The following LRP2 variants were observed in gnomAD, a reference collection of about 807,000 sequenced individuals.
LRP2 encodes LDL receptor related protein 2, also known as low-density lipoprotein receptor-related protein 2.
Under a neutral mutation model 531.0 loss-of-function variants are expected in LRP2, and 172 were observed. That is an observed-to-expected ratio of 0.32 (90% confidence interval 0.29 to 0.37). The LOEUF (loss-of-function observed/expected upper bound fraction) is 0.37. LRP2 is among the 10% of genes least tolerant of loss of function. The pLI, the probability that LRP2 is intolerant of heterozygous loss-of-function variation, is 1.00. For synonymous variants in LRP2, 1,992 were observed against 2,027.6 expected (o/e 0.98, Z 0.47); for missense variants, 5,167 against 5,868.3 (o/e 0.88, Z 3.90).
In LRP2 at chr2:169,140,525, G is replaced by C. The variant is rs1267233543; in HGVS notation, c.13129C>G (p.Leu4377Val). The C allele has an allele frequency of 2.5e-6, 4 of 1,613,928 alleles. No individual in the cohort carries two copies. Among genetic ancestry groups the C allele is most frequent in the Non-Finnish European group, 3.4e-6 (4 of 1,179,844 alleles). ...CDAAIELPIN[L>V]PPPCRCMHGG... ...TGCATGCACCTGCATGGGGGGGGCA[G>C]GTTGATAGGCAGTTCGATGGCTGCA... Residue 4377 changes from leucine (L) to valine (V), a missense_variant, in exon 72 of 79, where the codon CTG becomes GTG. Leu to Val is a conservative substitution (Grantham distance 32). This residue lies in a region of LRP2 where 348 missense variants were observed against 369.3 expected (regional missense o/e 0.94). Coordinates refer to ENST00000649046, the MANE Select transcript of LRP2 (RefSeq NM_004525.3).
chr2:169,280,487 G>C lies in LRP2; in HGVS notation c.1204C>G (p.Arg402Gly). 1 of 1,614,068 alleles carries C rather than the reference G, an allele frequency of 6.2e-7. No individual in the cohort carries two copies. Among genetic ancestry groups the C allele is most frequent in the Non-Finnish European group, 8.5e-7 (1 of 1,180,010 alleles). ...TGAATATCACCAATTAACAAATCCC[G>C]ACCATTGGAGAAGATAATGGAGGCC... ...GEASIIFSNGRDLLIGDIHGR... is the reference protein window; with the variant it reads ...GEASIIFSNGGDLLIGDIHGR... The change falls in exon 11 of 79, where the codon CGG (arginine) becomes GGG (glycine). Residue 402 changes from arginine to glycine, a missense_variant. Coordinates refer to ENST00000649046, the MANE Select transcript of LRP2 (RefSeq NM_004525.3).
chr2:169,262,950 C>T (rs1690630563), intron 16 of LRP2, among the ~76,000 whole-genome samples: 1 of 152,086 alleles, frequency 6.6e-6, no homozygotes, highest in Admixed American at 6.5e-5. Context: ...CGTATATCTA[C>T]AACTATCTGA....
Position 169,247,359 on chromosome 2 carries a change from A to C in LRP2, c.2908+19T>G. ...AAACCCATACAAAAAAATAAAAAAA[A>C]CTGGGCAATCTCACTCACCAGTCTG... On this transcript the variant is annotated intron_variant, in intron 20 of 78. Transcript: ENST00000649046. The C allele has an allele frequency of 6.2e-7, 1 of 1,613,802 alleles. No homozygotes were observed. Among genetic ancestry groups the C allele is most frequent in the Non-Finnish European group, 8.5e-7 (1 of 1,179,966 alleles).
intron 1 of LRP2, among the ~76,000 whole-genome samples, chr2:169,334,137 T>C (rs1179309939): frequency 6.6e-6 from 1 of 152,208 alleles, no homozygotes; most frequent in Non-Finnish European, 1.5e-5. Context: ...AAGCAGGGTA[T>C]ATTTCCTAAG....
At chr2:169,344,968 CA>C (rs796864581) in intron 1 of LRP2, among the ~76,000 whole-genome samples, 72 of 152,092 alleles carry the variant, frequency 4.7e-4, no homozygotes, top group African/African-American at 1.7e-3. Flanking sequence ...AATTTGTCAT[CA>C]AAAAAATAAA....
chr2:169,241,458 A>T, intron 24 of LRP2, 93 bp from the exon 25 acceptor site: 2 of 1,410,656 alleles, frequency 1.4e-6, no homozygotes, highest in Admixed American at 3.3e-5. Context: ...TGGATCCAAT[A>T]GTAGGTTTAT....
intron 52 of LRP2, among the ~76,000 whole-genome samples, chr2:169,178,708 T>C (rs1687309348): frequency 6.6e-6 from 1 of 152,202 alleles, no homozygotes; most frequent in Non-Finnish European, 1.5e-5. Flanking sequence ...GTCCTCTCAG[T>C]TCCAAGGGCT....
intron 24 of LRP2, 40 bp downstream of exon 24, chr2:169,242,916 G>A: frequency 7.0e-7 from 1 of 1,429,864 alleles, no homozygotes; most frequent in Non-Finnish European, 9.9e-7. Flanking sequence ...AAAATGAAAT[G>A]ACCCCTTTGT....
intron 1 of LRP2, among the ~76,000 whole-genome samples, chr2:169,328,617 T>G (rs1685187275): frequency 6.6e-6 from 1 of 152,168 alleles, no homozygotes; most frequent in South Asian, 2.1e-4. Context: ...GAGTACCTAC[T>G]ATGTGTTATA....
At chr2:169,205,093 A>C (rs925822530) in intron 41 of LRP2, among the ~76,000 whole-genome samples, 11 of 152,176 alleles carry the variant, frequency 7.2e-5, no homozygotes, top group Non-Finnish European at 1.5e-4. Context: ...AAAGCCCAGA[A>C]AAAAACATAA....
intron 14 of LRP2, among the ~76,000 whole-genome samples, chr2:169,274,443 C>G (rs930780811): frequency 2.0e-5 from 3 of 151,948 alleles, no homozygotes; most frequent in African/African-American, 4.8e-5. Context: ...GAAAAAATCA[C>G]GTGGTAAAAT....
chr2:169,292,997 G>A (rs1044831853), intron 6 of LRP2, among the ~76,000 whole-genome samples: 2 of 152,244 alleles, frequency 1.3e-5, no homozygotes, highest in Non-Finnish European at 2.9e-5. Flanking sequence ...ATGATTCTGA[G>A]TCGACCATTC....
At chr2:169,207,499 A>C (rs146026249) in intron 38 of LRP2, among the ~76,000 whole-genome samples, 3 of 152,338 alleles carry the variant, frequency 2.0e-5, no homozygotes, top group East Asian at 3.9e-4. Flanking sequence ...ATTAGAATTC[A>C]TAGCAACATC....
chr2:169,205,266 T>C (rs1357546486), intron 41 of LRP2, among the ~76,000 whole-genome samples: 2 of 152,220 alleles, frequency 1.3e-5, no homozygotes, highest in African/African-American at 4.8e-5. Flanking sequence ...AGATGTCTTT[T>C]AGTTCATAAT....
chr2:169,203,885 T>C, intron 42 of LRP2, 97 bp downstream of exon 42: 2 of 1,325,324 alleles, frequency 1.5e-6, no homozygotes, highest in African/African-American at 2.9e-5. Flanking sequence ...TCAAGGAGAA[T>C]TTGAATTTTT....
At chr2:169,257,277 T>C (rs1559042400) in intron 17 of LRP2, 28 bp from the exon 18 acceptor site, 1 of 1,609,952 alleles carries the variant, frequency 6.2e-7, no homozygotes, top group East Asian at 2.2e-5. Context: ...AAATTAAGGC[T>C]GTTAACACTG....
At chr2:169,358,851 A>G (rs1255620554) in intron 1 of LRP2, among the ~76,000 whole-genome samples, 1 of 150,806 alleles carries the variant, frequency 6.6e-6, no homozygotes, top group African/African-American at 2.4e-5. Flanking sequence ...AAGTTTTTTT[A>G]ATTAGTAAAC....
chr2:169,318,686 G>A (rs779834363), intron 3 of LRP2, 76 bp downstream of exon 3: 3 of 1,590,542 alleles, frequency 1.9e-6, no homozygotes, highest in Non-Finnish European at 2.6e-6. Flanking sequence ...TCATCCCATT[G>A]TGTGTAACTT....
Position 169,156,423 on chromosome 2 carries a change from C to T in LRP2, c.12020-18G>A, listed in dbSNP as rs751704080. The T allele has an allele frequency of 6.2e-7, 1 of 1,613,042 alleles. No individual in the cohort carries two copies. Among genetic ancestry groups the T allele is most frequent in the South Asian group, 1.1e-5 (1 of 91,070 alleles). On this transcript the variant is annotated intron_variant, in intron 64 of 78. Coordinates refer to ENST00000649046, the MANE Select transcript of LRP2 (RefSeq NM_004525.3). Reference sequence around the variant, plus strand: ...ATTGATATCTGTAGGCAAAATAAAACCAAATACGCAACATCTGTTCCCATC... The same window carrying T: ...ATTGATATCTGTAGGCAAAATAAAATCAAATACGCAACATCTGTTCCCATC...
Sources: gnomAD v4.1 joint callset for allele counts (sites outside exome capture counted in the v4.1 genomes callset) on GRCh38, gnomAD v4.1.1 for gene constraint, gnomAD v4.1.1 regional missense constraint, MANE v1.5 for transcripts, NCBI Gene and HGNC (gene_info 2026-07-23, HGNC 2026-07-21) for gene names.